EDARADD: variants seen among roughly 807,000 people sequenced by gnomAD.
The protein encoded by EDARADD is ectodysplasin-A receptor-associated adapter protein.
In EDARADD, 20 loss-of-function variants were observed where a neutral mutation model predicts 25.6. The observed-to-expected ratio is 0.78, with a 90% CI of 0.55 to 1.14. EDARADD has a LOEUF of 1.14. Ranked by LOEUF, EDARADD falls within the 50% of genes most tolerant of loss-of-function variation. EDARADD has a pLI of 0.00. For synonymous variants in EDARADD, 86 were observed against 94.4 expected, an observed-to-expected ratio of 0.91 and a Z score of 0.52; for missense variants, 225 against 270.1, an observed-to-expected ratio of 0.83 and a Z score of 1.17.
intron 3 of EDARADD, among the ~76,000 whole-genome samples, chr1:236,386,965 T>G (rs1263860214): frequency 2.2e-4 from 8 of 35,624 alleles, no homozygotes; most frequent in Admixed American, 8.2e-4. Flanking sequence ...GTCCGGGAGG[T>G]GAGGGGCGCC....
chr1:236,394,169 C>A, upstream of EDARADD: 1 of 431,080 alleles, frequency 2.3e-6, no homozygotes, highest in Non-Finnish European at 4.2e-6. Flanking sequence ...TTCCTGACGG[C>A]CAACGTCAGA....
intron 3 of EDARADD, among the ~76,000 whole-genome samples, chr1:236,377,640 A>T (rs1453182962): frequency 6.6e-5 from 10 of 151,290 alleles, no homozygotes; most frequent in Admixed American, 5.3e-4. Context: ...TGGGCAGATC[A>T]TAAGGTCAAG....
At chr1:236,432,401 A>AT (rs1165644464) in intron 4 of EDARADD, among the ~76,000 whole-genome samples, 1 of 151,920 alleles carries the variant, frequency 6.6e-6, no homozygotes, top group African/African-American at 2.4e-5. Context: ...AAAGAAAAAA[A>AT]AAAAAATTGG....
chr1:236,425,837 C>T (rs1182361070), intron 3 of EDARADD, among the ~76,000 whole-genome samples: 3 of 152,134 alleles, frequency 2.0e-5, no homozygotes, highest in African/African-American at 7.2e-5. Flanking sequence ...CAATTCTATC[C>T]CAGGCAGCCT....
chr1:236,369,338 A>T (rs1158275172), intron 3 of EDARADD, among the ~76,000 whole-genome samples: 1 of 152,140 alleles, frequency 6.6e-6, no homozygotes, highest in Admixed American at 6.5e-5. Flanking sequence ...ATGAGCATGA[A>T]ATATCTTTTC....
chr1:236,474,216 C>T lies in EDARADD; in HGVS notation c.265+5940C>T, dbSNP rs570663587. Among the ~76,000 whole-genome samples, 213 of 152,240 alleles carry T rather than the reference C, an allele frequency of 1.4e-3. 1 individual carries two copies. The highest frequency in any genetic ancestry group is 2.1e-3 in the Non-Finnish European group (140 of 68,016). ...GGGCAGGGCTACCATACATTAGGCA[C>T]AAGAATTTTGATAGTGATAATTACT... On this transcript the variant is annotated intron_variant, in intron 5 of 5. Transcript: ENST00000334232.
intron 3 of EDARADD, among the ~76,000 whole-genome samples, chr1:236,422,114 G>A (rs1657798838): frequency 6.6e-6 from 1 of 151,858 alleles, no homozygotes; most frequent in Non-Finnish European, 1.5e-5. Flanking sequence ...ATTAAGGCCT[G>A]TGACAATAGT....
Position 236,414,250 on chromosome 1 carries a change from G to A in EDARADD, c.121-10G>A. 1 of 1,607,938 alleles carries A rather than the reference G, an allele frequency of 6.2e-7. No individual in the cohort carries two copies. The highest frequency in any genetic ancestry group is 8.5e-7 in the Non-Finnish European group (1 of 1,174,630). ...TAAAAATAATTCTCCTCTTTTGTTG[G>A]TTTCTACAGTCAGACAAATATCCCA... On this transcript the variant is annotated splice_polypyrimidine_tract_variant and intron_variant, in intron 2 of 5. Coordinates refer to ENST00000334232, the MANE Select transcript of EDARADD (RefSeq NM_145861.4).
chr1:236,476,149 G>A (rs1659496468), intron 5 of EDARADD, among the ~76,000 whole-genome samples: 1 of 151,718 alleles, frequency 6.6e-6, no homozygotes, highest in Non-Finnish European at 1.5e-5. Flanking sequence ...ACAAAATCGT[G>A]CCATTGCACT....
intron 3 of EDARADD, among the ~76,000 whole-genome samples, chr1:236,376,100 A>G (rs2102994780): frequency 6.6e-6 from 1 of 151,632 alleles, no homozygotes; most frequent in East Asian, 2.0e-4. Context: ...ATGCCCAGCT[A>G]ATTTTTGTAT....
chr1:236,430,274 T>C (rs901752841), intron 4 of EDARADD, among the ~76,000 whole-genome samples: 2 of 152,256 alleles, frequency 1.3e-5, no homozygotes, highest in Non-Finnish European at 2.9e-5. Context: ...GAATTTAAAC[T>C]AGTTTAGTAA....
intron 5 of EDARADD, among the ~76,000 whole-genome samples, chr1:236,474,349 A>AC (rs1175555046): frequency 3.9e-5 from 6 of 152,190 alleles, no homozygotes; most frequent in Non-Finnish European, 8.8e-5. Flanking sequence ...AACGAGACTG[A>AC]CCAAGAATAA....
Position 236,483,501 on chromosome 1 carries a change from G to A in EDARADD, c.*852G>A. Reference sequence around the variant, plus strand: ...TAAATTTGGTGCAAATGCCATTCTGGGAGTGTCCCTCGCTGCCTGCAAAGC... The same window carrying A: ...TAAATTTGGTGCAAATGCCATTCTGAGAGTGTCCCTCGCTGCCTGCAAAGC... On this transcript the variant is annotated 3_prime_UTR_variant, in exon 6 of 6. Coordinates refer to ENST00000334232, the MANE Select transcript of EDARADD (RefSeq NM_145861.4). 9.9e-7 allele frequency: 1 copy of A among 1,006,424 alleles called. No homozygotes were observed. Among genetic ancestry groups the A allele is most frequent in the Non-Finnish European group, 1.6e-6 (1 of 628,744 alleles). The allele number at this position is 1,006,424 out of a possible 1,614,324, so 62.3% of individuals were successfully genotyped here.
chr1:236,484,357 C>T lies in EDARADD; in HGVS notation c.*1708C>T, dbSNP rs1558141416. On this transcript the variant is annotated 3_prime_UTR_variant, in exon 6 of 6. Coordinates refer to ENST00000334232, the MANE Select transcript of EDARADD (RefSeq NM_145861.4). The surrounding 1 kb of genome is among the most constrained non-coding windows in gnomAD (Gnocchi z 4.1). ...CCTGGGCAGCTCAAGACTGGTGCCC[C>T]TTGCTGATCTGAGCGCTTGGCCAAG... 2.1e-5 allele frequency: 32 copies of T among 1,525,360 alleles called. 1 individual carries two copies. Among genetic ancestry groups the T allele is most frequent in the Non-Finnish European group, 2.1e-5 (23 of 1,099,792 alleles). 94.5% of individuals were successfully genotyped at this position (1,525,360 alleles called of 1,614,324 possible).
chr1:236,398,747 G>C lies in EDARADD; in HGVS notation c.61+4242G>C, dbSNP rs1017868213. On this transcript the variant is annotated intron_variant, in intron 1 of 5. Transcript: ENST00000334232. The surrounding 1 kb of genome is among the most constrained non-coding windows in gnomAD (Gnocchi z 4.1). Reference sequence around the variant, plus strand: ...CTTAACCTCCAGATTTCAGCTCATAGGTCACCGGGATCCAGCCCGATGTTA... The same window carrying C: ...CTTAACCTCCAGATTTCAGCTCATACGTCACCGGGATCCAGCCCGATGTTA... 6.6e-6 allele frequency among the ~76,000 whole-genome samples: 1 copy of C among 152,188 alleles called. No homozygotes were observed. Among genetic ancestry groups the C allele is most frequent in the East Asian group, 1.9e-4 (1 of 5,204 alleles).
Position 236,484,486 on chromosome 1 carries a change from C to T in EDARADD, c.*1837C>T. On this transcript the variant is annotated 3_prime_UTR_variant, in exon 6 of 6. Transcript: ENST00000334232. The surrounding 1 kb of genome is among the most constrained non-coding windows in gnomAD (Gnocchi z 4.1). ...GCCAAGTAAGCTGTGGGCAGGCAAG[C>T]CCTTCAGTCACCTGGTGGCTAATTA... The T allele has an allele frequency of 6.3e-7, 1 of 1,599,488 alleles. No individual in the cohort carries two copies. Among genetic ancestry groups the T allele is most frequent in the South Asian group, 1.1e-5 (1 of 90,692 alleles).
intron 3 of EDARADD, among the ~76,000 whole-genome samples, chr1:236,380,525 A>G (rs1215471993): frequency 6.6e-6 from 1 of 152,202 alleles, no homozygotes. Context: ...TTTGTAAAAA[A>G]TCATTTCTAA....
rs1055628941 is a variant in EDARADD at position 236,398,626 on chromosome 1, C to T, written c.61+4121C>T. Among the ~76,000 whole-genome samples the T allele has an allele frequency of 6.6e-6, 1 of 152,218 alleles. No individual in the cohort carries two copies. Among genetic ancestry groups the T allele is most frequent in the Non-Finnish European group, 1.5e-5 (1 of 68,034 alleles). On this transcript the variant is annotated intron_variant, in intron 1 of 5. Coordinates refer to ENST00000334232, the MANE Select transcript of EDARADD (RefSeq NM_145861.4). The surrounding 1 kb of genome is among the most constrained non-coding windows in gnomAD (Gnocchi z 4.1). ...ATTTCCTTGAAGCCTCTTGCACCCT[C>T]GTGCCTCCTGGCCTTTGCAAACTTT...
chr1:236,478,359 A>ATGTG (rs35531700), intron 5 of EDARADD, among the ~76,000 whole-genome samples: 7,469 of 144,734 alleles, frequency 0.052, 268 homozygotes, highest in African/African-American at 0.091. Flanking sequence ...CCATATATAT[A>ATGTG]TGTGTGTGTG....
Sources: gnomAD v4.1 joint callset for allele counts (sites outside exome capture counted in the v4.1 genomes callset) on GRCh38, gnomAD v4.1.1 for gene constraint, Gnocchi (gnomAD v3.1) non-coding constraint, MANE v1.5 for transcripts, NCBI Gene and HGNC (gene_info 2026-07-23, HGNC 2026-07-21) for gene names.